Variants in SHC3 observed in about 807,000 individuals in gnomAD.
SHC3 encodes SHC-transforming protein 3.
A neutral mutation model predicts 60.4 loss-of-function variants in SHC3; 15 were observed. The ratio of observed to expected loss-of-function variants is 0.25; its 90% CI spans 0.17 to 0.38. SHC3 has a LOEUF of 0.38. Among genes scored for constraint, SHC3 ranks in the 10% least tolerant of loss-of-function variants. The pLI, the probability that SHC3 is intolerant of heterozygous loss-of-function variation, is 1.00. For missense variants in SHC3, 677 were observed against 786.1 expected (o/e 0.86, Z 1.66); for synonymous variants, 294 against 325.9 (o/e 0.90, Z 1.05).
intron 1 of SHC3, among the ~76,000 whole-genome samples, chr9:89,129,776 AC>A (rs1179717332): frequency 1.3e-5 from 2 of 152,354 alleles, no homozygotes; most frequent in African/African-American, 4.8e-5. Flanking sequence ...ATTGAAAGGA[AC>A]AACCAGTACC....
chr9:89,075,380 G>C, intron 3 of SHC3, 152 bp from the exon 4 acceptor site: 1 of 1,047,676 alleles, frequency 9.5e-7, no homozygotes, highest in East Asian at 2.5e-5. Context: ...CTGGGAGTAG[G>C]GGGATCCGAA....
chr9:89,038,287 T>G lies in SHC3; in HGVS notation c.1362A>C (p.Lys454Asn). Reference sequence around the variant, plus strand: ...GGTTCTTGAGAGCATCTTCAAAAGGTTCTGTCATCAACAATATTGACCAGC... The same window carrying G: ...GGTTCTTGAGAGCATCTTCAAAAGGGTCTGTCATCAACAATATTGACCAGC... ...SSPRKDLFDM[K>N]PFEDALKNQP... Residue 454 changes from lysine to asparagine, a missense_variant and splice_region_variant, in exon 11 of 12, where the codon AAA becomes AAC. Physicochemically the swap from Lys to Asn is moderately conservative, Grantham distance 94. Coordinates refer to ENST00000375835, the MANE Select transcript of SHC3 (RefSeq NM_016848.6). The G allele has an allele frequency of 6.2e-7, 1 of 1,608,938 alleles. No homozygotes were observed. The highest frequency in any genetic ancestry group is 8.5e-7 in the Non-Finnish European group (1 of 1,177,756).
In SHC3 at chr9:89,037,979, C is replaced by A. The variant is rs202188394; in HGVS notation, c.1656+14G>T. ...CCACTGGCAGGTCCGGCCCCACCCC[C>A]ACTGGGTGCTCACCGTGCCTTCTGG... On this transcript the variant is annotated intron_variant, in intron 11 of 11. Transcript: ENST00000375835. 3 of 1,603,362 alleles carry A rather than the reference C, an allele frequency of 1.9e-6. No individual in the cohort carries two copies. Among genetic ancestry groups the A allele is most frequent in the Non-Finnish European group, 2.5e-6 (3 of 1,179,056 alleles).
At chr9:89,171,194 G>C (rs981236001) in intron 1 of SHC3, among the ~76,000 whole-genome samples, 2 of 151,928 alleles carry the variant, frequency 1.3e-5, no homozygotes, top group Admixed American at 6.6e-5. Flanking sequence ...TACCACCTTA[G>C]GGGTAAATTC....
chr9:89,073,505 C>T (rs894994839), intron 4 of SHC3, among the ~76,000 whole-genome samples: 1 of 152,090 alleles, frequency 6.6e-6, no homozygotes, highest in East Asian at 1.9e-4. Flanking sequence ...CAGTTGGGCC[C>T]AAAAGTCAGC....
chr9:89,092,485 C>T (rs554856638), intron 2 of SHC3, among the ~76,000 whole-genome samples: 87 of 151,794 alleles, frequency 5.7e-4, no homozygotes, highest in Admixed American at 1.0e-3. Flanking sequence ...GGCGTGGTGG[C>T]GGGCACCTGT....
intron 6 of SHC3, among the ~76,000 whole-genome samples, chr9:89,059,167 AC>A (rs1247896840): frequency 5.2e-5 from 5 of 96,206 alleles, no homozygotes; most frequent in South Asian, 4.0e-4. Flanking sequence ...GTGGTGGAGG[AC>A]CGTGGTGTAG....
chr9:89,118,469 A>C (rs12347434), intron 1 of SHC3, among the ~76,000 whole-genome samples: 5,991 of 152,238 alleles, frequency 0.039, 189 homozygotes, highest in African/African-American at 0.085. Flanking sequence ...AAATATTCAA[A>C]TATCAGCAAA....
chr9:89,111,085 C>T (rs138040552), intron 2 of SHC3, among the ~76,000 whole-genome samples: 2 of 152,156 alleles, frequency 1.3e-5, no homozygotes, highest in Non-Finnish European at 2.9e-5. Context: ...CACTGAGAGG[C>T]CTAGCAAAGC....
intron 2 of SHC3, among the ~76,000 whole-genome samples, chr9:89,107,885 T>C (rs180766087): frequency 3.9e-5 from 6 of 152,296 alleles, no homozygotes; most frequent in Non-Finnish European, 5.9e-5. Context: ...TATTTTGCAG[T>C]GAAAAAGGAA....
intron 1 of SHC3, 60 bp from the exon 2 acceptor site, chr9:89,112,686 T>C (rs956362394): frequency 6.1e-6 from 9 of 1,487,116 alleles, no homozygotes; most frequent in African/African-American, 1.4e-5. Context: ...AGACAACTCC[T>C]AACTATACAA....
intron 2 of SHC3, among the ~76,000 whole-genome samples, chr9:89,105,704 T>C (rs1331190): frequency 0.085 from 12,938 of 152,246 alleles, 646 homozygotes; most frequent in Admixed American, 0.13. Flanking sequence ...GTAAGTATTC[T>C]ATCCTAGTGT....
chr9:89,033,979 T>C (rs1824532415), intron 11 of SHC3, among the ~76,000 whole-genome samples: 2 of 152,158 alleles, frequency 1.3e-5, no homozygotes, highest in South Asian at 4.1e-4. Context: ...AGGTTTTACT[T>C]ACAAACAGAG....
intron 2 of SHC3, among the ~76,000 whole-genome samples, chr9:89,098,781 A>C (rs1319720648): frequency 6.6e-6 from 1 of 151,704 alleles, no homozygotes; most frequent in Non-Finnish European, 1.5e-5. Context: ...ACTGCACTCC[A>C]GCGTGGGTGA....
intron 2 of SHC3, among the ~76,000 whole-genome samples, chr9:89,110,737 T>C (rs1293170834): frequency 6.6e-6 from 1 of 152,182 alleles, no homozygotes; most frequent in Non-Finnish European, 1.5e-5. Context: ...CTGGCACAAT[T>C]AGAATTCAAC....
chr9:89,178,067 C>A lies in SHC3; in HGVS notation c.394G>T (p.Glu132Ter). ...CCCCGAGGGGGCCTGGGCAGCGGCT[C>A]GTCGCCGGGCCGGCCCTTCCTGGCG... The part of the protein sequence containing the change: ...SAARKGRPGD[E>*]PLPRPPRGAP... The change falls in exon 1 of 12, where the codon GAG becomes TAG. Residue 132 changes from glutamate (E) to a stop codon, truncating the protein, a stop_gained. Coordinates refer to ENST00000375835, the MANE Select transcript of SHC3 (RefSeq NM_016848.6). LOFTEE classifies it high-confidence loss of function. The surrounding 1 kb of genome is among the most constrained non-coding windows in gnomAD (Gnocchi z 6.9). 1 of 1,206,810 alleles carries A rather than the reference C, an allele frequency of 8.3e-7. No individual in the cohort carries two copies. Among genetic ancestry groups the A allele is most frequent in the Non-Finnish European group, 1.0e-6 (1 of 972,464 alleles). 74.8% of individuals were successfully genotyped at this position (1,206,810 alleles called of 1,614,324 possible).
At chr9:89,168,107 C>T (rs889493284) in intron 1 of SHC3, among the ~76,000 whole-genome samples, 13 of 152,254 alleles carry the variant, frequency 8.5e-5, no homozygotes, top group African/African-American at 3.1e-4. Flanking sequence ...TCTTGTAGCT[C>T]AGACCCCTAC....
chr9:89,063,498 T>C (rs1421541705), intron 6 of SHC3, among the ~76,000 whole-genome samples: 1 of 152,200 alleles, frequency 6.6e-6, no homozygotes, highest in African/African-American at 2.4e-5. Flanking sequence ...TGGACACATC[T>C]ACTCTGGGTC....
chr9:89,028,976 T>C (rs1051354340), intron 11 of SHC3, among the ~76,000 whole-genome samples: 3 of 149,410 alleles, frequency 2.0e-5, no homozygotes, highest in Non-Finnish European at 3.0e-5. Context: ...AGAATATATA[T>C]ATAGATATAG....
Sources: allele counts gnomAD v4.1 joint callset (sites outside exome capture counted in the v4.1 genomes callset), GRCh38; gene constraint gnomAD v4.1.1; non-coding constraint Gnocchi (gnomAD v3.1); transcripts MANE v1.5; gene names NCBI Gene and HGNC (gene_info 2026-07-23, HGNC 2026-07-21).